The following SBF2 variants were observed in gnomAD, a reference collection of about 807,000 sequenced individuals.
SBF2 encodes SET binding factor 2.
Under a neutral mutation model 225.2 loss-of-function variants are expected in SBF2, and 112 were observed. The observed-to-expected ratio is 0.50, with a 90% CI of 0.43 to 0.58. SBF2 has a LOEUF of 0.58. Ranked by LOEUF, SBF2 falls within the 20% of genes least tolerant of loss-of-function variation. The pLI, the probability that SBF2 is intolerant of heterozygous loss-of-function variation, is 0.00. For synonymous variants in SBF2, 763 were observed against 773.3 expected, an observed-to-expected ratio of 0.99 and a Z score of 0.22; for missense variants, 1,996 against 2,206.2, an observed-to-expected ratio of 0.90 and a Z score of 1.91.
At chr11:10,006,717 C>T (rs548894107) in intron 6 of SBF2, among the ~76,000 whole-genome samples, 1 of 152,302 alleles carries the variant, frequency 6.6e-6, no homozygotes, top group South Asian at 2.1e-4. Context: ...CTCTGGCTTC[C>T]TCCCACTTCC....
chr11:9,809,085 A>G (rs1162112261), intron 30 of SBF2, 83 bp from the exon 31 acceptor site: 4 of 1,001,476 alleles, frequency 4.0e-6, no homozygotes, highest in Non-Finnish European at 6.4e-6. Flanking sequence ...AACCCTGGAT[A>G]ATCAAACGAC....
chr11:10,110,207 T>C (rs1470716338), intron 2 of SBF2, among the ~76,000 whole-genome samples: 5 of 152,200 alleles, frequency 3.3e-5, no homozygotes, highest in South Asian at 2.1e-4. Context: ...AAATCTTGAA[T>C]CTTGAGTCTT....
At chr11:10,007,293 A>G (rs1948239276) in intron 6 of SBF2, among the ~76,000 whole-genome samples, 1 of 152,150 alleles carries the variant, frequency 6.6e-6, no homozygotes, top group South Asian at 2.1e-4. Context: ...CTCTCTTCAC[A>G]GATGGGTAAC....
intron 17 of SBF2, among the ~76,000 whole-genome samples, chr11:9,884,981 T>G (rs1860139740): frequency 6.6e-6 from 1 of 152,132 alleles, no homozygotes; most frequent in Non-Finnish European, 1.5e-5. Flanking sequence ...CCTGGCATGG[T>G]GGCTCACGCC....
At chr11:9,915,472 T>C (rs1863006801) in intron 16 of SBF2, 2 of 150,038 alleles carry the variant, frequency 1.3e-5, no homozygotes, top group African/African-American at 4.9e-5. Context: ...AAAGAAATTC[T>C]AGCTGATAAA....
intron 16 of SBF2, among the ~76,000 whole-genome samples, chr11:9,921,064 CTTTTTT>C (rs34959264): frequency 1.2e-3 from 101 of 85,896 alleles, no homozygotes; most frequent in African/African-American, 4.4e-3. Context: ...CTGAAAACTT[CTTTTTT>C]TTTTTTTTTT....
chr11:10,101,659 C>CTGTGTGTGTGTGTG (rs144213559), intron 2 of SBF2, among the ~76,000 whole-genome samples: 12 of 148,158 alleles, frequency 8.1e-5, no homozygotes, highest in East Asian at 4.0e-4. Flanking sequence ...CTCTCTCGCT[C>CTGTGTGTGTGTGTG]TGTGTGTGTG....
intron 3 of SBF2, among the ~76,000 whole-genome samples, chr11:10,039,837 A>T (rs1024142423): frequency 1.5e-4 from 23 of 151,960 alleles, no homozygotes; most frequent in African/African-American, 5.1e-4. Flanking sequence ...TGTGAAAAGA[A>T]CACAGGAATC....
chr11:10,071,933 A>G (rs1347124394), intron 2 of SBF2, among the ~76,000 whole-genome samples: 1 of 152,104 alleles, frequency 6.6e-6, no homozygotes, highest in South Asian at 2.1e-4. Context: ...TCAATACAGA[A>G]ATTTGTAGGG....
intron 13 of SBF2, among the ~76,000 whole-genome samples, chr11:9,980,730 C>T (rs1946919645): frequency 6.6e-6 from 1 of 152,036 alleles, no homozygotes; most frequent in African/African-American, 2.4e-5. Context: ...AGGCGCCTGA[C>T]ACCGCGCCCG....
chr11:10,186,652 T>C (rs1179269389), intron 2 of SBF2, among the ~76,000 whole-genome samples: 2 of 152,216 alleles, frequency 1.3e-5, no homozygotes, highest in Admixed American at 6.5e-5. Context: ...ATCATTGCCA[T>C]TGGTGACTAA....
intron 2 of SBF2, among the ~76,000 whole-genome samples, chr11:10,174,103 C>A (rs1591133310): frequency 6.6e-6 from 1 of 151,924 alleles, no homozygotes; most frequent in Admixed American, 6.6e-5. Context: ...AAGCAGAGCG[C>A]CTCTCCTCCT....
rs190978461 is a variant in SBF2 at position 10,278,387 on chromosome 11, G to T, written c.55+15628C>A. On this transcript the variant is annotated intron_variant, in intron 1 of 39. Transcript: ENST00000256190. ...AATAACTTTTACTCAATAAACAACT[G>T]CATAACCAACCCCAAAAATTTCGAG... Among the ~76,000 whole-genome samples, 57 of 152,192 alleles carry T rather than the reference G, an allele frequency of 3.7e-4. 1 individual carries two copies. The highest frequency in any genetic ancestry group is 1.2e-3 in the African/African-American group (51 of 41,534).
chr11:10,180,024 AC>A (rs1956668964), intron 2 of SBF2, among the ~76,000 whole-genome samples: 1 of 151,736 alleles, frequency 6.6e-6, no homozygotes, highest in Non-Finnish European at 1.5e-5. Context: ...CCACTTTTTA[AC>A]TTTTTGTTGT....
intron 16 of SBF2, among the ~76,000 whole-genome samples, chr11:9,907,937 T>C (rs988641099): frequency 4.6e-5 from 7 of 152,230 alleles, no homozygotes; most frequent in African/African-American, 1.7e-4. Context: ...TTGCTTGCGA[T>C]TATATAGCCA....
chr11:9,821,853 T>G (rs1050025257), intron 28 of SBF2, among the ~76,000 whole-genome samples: 2 of 152,212 alleles, frequency 1.3e-5, no homozygotes, highest in African/African-American at 4.8e-5. Context: ...TATATACATA[T>G]AAATATAAAA....
intron 2 of SBF2, among the ~76,000 whole-genome samples, chr11:10,147,392 A>C (rs1565284924): frequency 6.6e-6 from 1 of 152,220 alleles, no homozygotes; most frequent in Non-Finnish European, 1.5e-5. Context: ...GCAGCCATAA[A>C]AAAGAATGAG....
intron 14 of SBF2, among the ~76,000 whole-genome samples, chr11:9,964,617 C>T (rs1215663862): frequency 2.0e-5 from 3 of 152,186 alleles, no homozygotes; most frequent in South Asian, 2.1e-4. Context: ...CAAAGAGAAA[C>T]GATCATGATC....
chr11:10,188,990 C>T (rs917423527), intron 2 of SBF2, among the ~76,000 whole-genome samples: 2 of 152,236 alleles, frequency 1.3e-5, no homozygotes, highest in Non-Finnish European at 2.9e-5. Flanking sequence ...TCCTTCCACA[C>T]ACGGTTTATA....
Sources: gnomAD v4.1 joint callset for allele counts (sites outside exome capture counted in the v4.1 genomes callset) on GRCh38, gnomAD v4.1.1 for gene constraint, MANE v1.5 for transcripts, NCBI Gene and HGNC (gene_info 2026-07-23, HGNC 2026-07-21) for gene names.